MAP4K5: variants seen among roughly 807,000 people sequenced by gnomAD.
MAP4K5 encodes mitogen-activated protein kinase kinase kinase kinase 5.
In MAP4K5, 82 loss-of-function variants were observed where a neutral mutation model predicts 135.6. The ratio of observed to expected loss-of-function variants is 0.60; its 90% confidence interval spans 0.51 to 0.73. The LOEUF (loss-of-function observed/expected upper bound fraction) is 0.73, where lower values mean the gene tolerates loss of function less well. Ranked by LOEUF, MAP4K5 falls within the 30% of genes least tolerant of loss-of-function variation. The pLI is 0.00. For synonymous variants in MAP4K5, 347 were observed against 335.0 expected (o/e 1.04, Z -0.39); for missense variants, 907 against 1,010.9 (o/e 0.90, Z 1.39).
At chr14:50,447,205 A>G (rs2036373996) in intron 16 of MAP4K5, among the ~76,000 whole-genome samples, 1 of 152,214 alleles carries the variant, frequency 6.6e-6, no homozygotes, top group African/African-American at 2.4e-5. Context: ...TTATCATTAC[A>G]TAGCATATTC....
At chr14:50,543,307 G>A (rs1303009463) in intron 1 of MAP4K5, among the ~76,000 whole-genome samples, 1 of 152,240 alleles carries the variant, frequency 6.6e-6, no homozygotes, top group Non-Finnish European at 1.5e-5. Context: ...TCCCTTGACA[G>A]ATAAGTCAAC....
At chr14:50,523,241 G>A (rs1346696350) in intron 2 of MAP4K5, among the ~76,000 whole-genome samples, 2 of 152,144 alleles carry the variant, frequency 1.3e-5, no homozygotes, top group East Asian at 1.9e-4. Flanking sequence ...AACCTGGGAG[G>A]TGGAGGTTGC....
chr14:50,470,381 T>C (rs2139845548), intron 9 of MAP4K5, among the ~76,000 whole-genome samples: 1 of 152,070 alleles, frequency 6.6e-6, no homozygotes. Flanking sequence ...ATACAAAAAA[T>C]AGACAATTTA....
intron 6 of MAP4K5, among the ~76,000 whole-genome samples, chr14:50,476,515 A>G (rs147247344): frequency 2.6e-4 from 40 of 152,316 alleles, no homozygotes; most frequent in South Asian, 1.0e-3. Context: ...GCTGGAGTGC[A>G]GTGGCAGTGA....
intron 3 of MAP4K5, among the ~76,000 whole-genome samples, chr14:50,501,397 TAAAAG>T (rs1566681302): frequency 6.6e-6 from 1 of 151,624 alleles, no homozygotes; most frequent in Non-Finnish European, 1.5e-5. Context: ...GCAGTAAAAA[TAAAAG>T]AAACCCCCAG....
intron 3 of MAP4K5, among the ~76,000 whole-genome samples, chr14:50,488,583 T>C (rs2037417967): frequency 6.6e-6 from 1 of 152,188 alleles, no homozygotes; most frequent in African/African-American, 2.4e-5. Flanking sequence ...TAAAAGTCAA[T>C]AATATGGCTG....
intron 2 of MAP4K5, among the ~76,000 whole-genome samples, chr14:50,508,823 T>C (rs1317516737): frequency 1.3e-5 from 2 of 152,098 alleles, no homozygotes; most frequent in African/African-American, 4.8e-5. Context: ...GACAGTGTGG[T>C]GATTCCTCAA....
chr14:50,488,091 A>G (rs577870328), intron 3 of MAP4K5, among the ~76,000 whole-genome samples: 1 of 152,134 alleles, frequency 6.6e-6, no homozygotes, highest in African/African-American at 2.4e-5. Context: ...GGTTTAATTG[A>G]CTTACACCTC....
intron 31 of MAP4K5, among the ~76,000 whole-genome samples, chr14:50,424,749 G>A (rs541511998): frequency 4.0e-5 from 6 of 151,110 alleles, no homozygotes; most frequent in Admixed American, 2.0e-4. Flanking sequence ...TAGATATTTC[G>A]GAAATGGAAT....
chr14:50,481,506 A>G (rs1432886437), intron 6 of MAP4K5, among the ~76,000 whole-genome samples: 1 of 152,202 alleles, frequency 6.6e-6, no homozygotes, highest in East Asian at 1.9e-4. Flanking sequence ...ACTACACAAT[A>G]TAGGAAATTT....
intron 32 of MAP4K5, among the ~76,000 whole-genome samples, chr14:50,422,073 GTAGAGAC>G (rs1886193263): frequency 6.6e-6 from 1 of 151,754 alleles, no homozygotes; most frequent in Non-Finnish European, 1.5e-5. Flanking sequence ...TCTATTTTTA[GTAGAGAC>G]AGCTGATTCA....
intron 11 of MAP4K5, 48 bp from the exon 12 acceptor site, chr14:50,464,181 T>G (rs925166712): frequency 5.6e-6 from 5 of 896,200 alleles, no homozygotes; most frequent in Non-Finnish European, 8.9e-6. Context: ...CTATTACGTT[T>G]CGGTGTTAGT....
rs1267084700 is a variant in MAP4K5, at chr14:50,531,251, T to A, written c.108+691A>T. On this transcript the variant is annotated intron_variant, in intron 2 of 32. Coordinates refer to ENST00000682126, the MANE Select transcript of MAP4K5 (RefSeq NM_006575.6). The stretch of plus-strand genomic sequence containing the variant: ...TGTAACTTACTCTCATCGTTTGTCT[T>A]AAGTAATACAAAACAGCACAATACA... 2.0e-5 allele frequency among the ~76,000 whole-genome samples: 3 copies of A among 152,212 alleles called. No homozygotes were observed. The East Asian group carries it at 5.8e-4, about 29-fold the overall frequency.
At chr14:50,512,341 G>A (rs1178949438) in intron 2 of MAP4K5, among the ~76,000 whole-genome samples, 1 of 151,988 alleles carries the variant, frequency 6.6e-6, no homozygotes, top group Non-Finnish European at 1.5e-5. Context: ...AAAAGAAAAG[G>A]AAGGATACCT....
chr14:50,481,005 T>C (rs1489224826), intron 6 of MAP4K5, among the ~76,000 whole-genome samples: 6 of 151,972 alleles, frequency 3.9e-5, no homozygotes. Flanking sequence ...TTTTGGGAAC[T>C]AGAACTATAT....
chr14:50,508,664 A>G (rs2037863976), intron 2 of MAP4K5, among the ~76,000 whole-genome samples: 1 of 152,062 alleles, frequency 6.6e-6, no homozygotes, highest in Admixed American at 6.6e-5. Flanking sequence ...ATGTATACAT[A>G]TGTAACAAAT....
rs573352541 is a variant in MAP4K5 at position 50,421,420 on chromosome 14, A to G, written c.2454-1314T>C. Among the ~76,000 whole-genome samples, 17 of 151,582 alleles carry G rather than the reference A, an allele frequency of 1.1e-4. No individual in the cohort carries two copies. The South Asian group carries it at 3.5e-3, about 32-fold the overall frequency. Reference sequence around the variant, plus strand: ...ATTAAAGGCATGCACCATCAAGCCCAGCTTATTTTTTTTGTATTTTTAGCA... The same window carrying G: ...ATTAAAGGCATGCACCATCAAGCCCGGCTTATTTTTTTTGTATTTTTAGCA... On this transcript the variant is annotated intron_variant, in intron 32 of 32. Transcript: ENST00000682126.
chr14:50,491,634 A>G (rs1230629882), intron 3 of MAP4K5, among the ~76,000 whole-genome samples: 1 of 151,874 alleles, frequency 6.6e-6, no homozygotes. Context: ...GTTCCAAGCT[A>G]TAAGCATGAA....
At chr14:50,523,777 T>C (rs1311684505) in intron 2 of MAP4K5, among the ~76,000 whole-genome samples, 1 of 152,226 alleles carries the variant, frequency 6.6e-6, no homozygotes, top group Non-Finnish European at 1.5e-5. Flanking sequence ...CTTTGTTCAC[T>C]AGATGTATCA....
Sources: gnomAD v4.1 joint callset for allele counts (sites outside exome capture counted in the v4.1 genomes callset) on GRCh38, gnomAD v4.1.1 for gene constraint, MANE v1.5 for transcripts, NCBI Gene and HGNC (gene_info 2026-07-23, HGNC 2026-07-21) for gene names.